The following GPM6A variants were observed in gnomAD, a reference collection of about 807,000 sequenced individuals.
GPM6A encodes glycoprotein M6A, also known as neuronal membrane glycoprotein M6-a.
In GPM6A, 7 loss-of-function variants were observed where a neutral mutation model predicts 32.1. That is an observed-to-expected ratio of 0.22 (90% CI 0.12 to 0.41). The LOEUF is 0.41. GPM6A is among the 10% of genes least tolerant of loss of function. GPM6A has a pLI of 1.00. For synonymous variants in GPM6A, 130 were observed against 123.4 expected, an observed-to-expected ratio of 1.05 and a Z score of -0.35; for missense variants, 235 against 347.2, an observed-to-expected ratio of 0.68 and a Z score of 2.57.
At chr4:175,741,888 GT>G (rs1189197297) in intron 1 of GPM6A, among the ~76,000 whole-genome samples, 4 of 151,948 alleles carry the variant, frequency 2.6e-5, no homozygotes, top group Non-Finnish European at 4.4e-5. Context: ...CCTTGAAAAT[GT>G]TTTGGTAAAT....
chr4:175,873,195 A>G (rs1736967340), intron 1 of GPM6A, among the ~76,000 whole-genome samples: 1 of 150,634 alleles, frequency 6.6e-6, no homozygotes, highest in Non-Finnish European at 1.5e-5. Flanking sequence ...CCTAAAAAAA[A>G]TCATTTACCT....
intron 2 of GPM6A, among the ~76,000 whole-genome samples, chr4:175,695,206 G>C (rs1232106943): frequency 6.6e-6 from 1 of 152,222 alleles, no homozygotes; most frequent in Non-Finnish European, 1.5e-5. Context: ...CTATGGAGGG[G>C]AAATGTGAGG....
chr4:175,825,321 A>G (rs1176749662), intron 1 of GPM6A, among the ~76,000 whole-genome samples: 1 of 152,144 alleles, frequency 6.6e-6, no homozygotes, highest in African/African-American at 2.4e-5. Flanking sequence ...TTAAGAGGAA[A>G]TGCAATATGC....
At chr4:175,787,593 C>T in intron 1 of GPM6A, 1 of 1,347,342 alleles carries the variant, frequency 7.4e-7, no homozygotes, top group Non-Finnish European at 9.5e-7. Context: ...ATTTCTAATT[C>T]AGCTTTTTTC....
chr4:175,799,143 A>G (rs1734358898), intron 1 of GPM6A, among the ~76,000 whole-genome samples: 3 of 152,066 alleles, frequency 2.0e-5, no homozygotes, highest in Admixed American at 6.5e-5. Flanking sequence ...AGCTCTTCCA[A>G]TCTTGTTTTC....
chr4:175,706,525 T>C (rs1388414981), intron 1 of GPM6A, among the ~76,000 whole-genome samples: 1 of 152,228 alleles, frequency 6.6e-6, no homozygotes, highest in Non-Finnish European at 1.5e-5. Context: ...AATTGACTCA[T>C]TGATAAATTT....
At chr4:175,842,913 C>T (rs1735983924) in intron 1 of GPM6A, among the ~76,000 whole-genome samples, 1 of 151,560 alleles carries the variant, frequency 6.6e-6, no homozygotes, top group East Asian at 1.9e-4. Flanking sequence ...CCTTGCTTAC[C>T]TAATTATAAA....
intron 3 of GPM6A, among the ~76,000 whole-genome samples, chr4:175,660,905 G>A (rs1742372324): frequency 6.6e-6 from 1 of 152,170 alleles, no homozygotes; most frequent in East Asian, 1.9e-4. Flanking sequence ...TGCAAGTAAG[G>A]TAATTCTGCC....
At chr4:175,930,432 G>GC (rs200612825) in intron 1 of GPM6A, among the ~76,000 whole-genome samples, 2 of 98,228 alleles carry the variant, frequency 2.0e-5, no homozygotes, top group South Asian at 3.1e-4. Flanking sequence ...TTTTGGGGGG[G>GC]GGTTTTTTTG....
chr4:175,643,191 T>C (rs1741254753), intron 4 of GPM6A, among the ~76,000 whole-genome samples: 1 of 152,170 alleles, frequency 6.6e-6, no homozygotes, highest in South Asian at 2.1e-4. Flanking sequence ...CTGGCTTCCT[T>C]GCTTCTACCC....
intron 1 of GPM6A, among the ~76,000 whole-genome samples, chr4:175,771,327 C>T (rs1733178752): frequency 6.6e-6 from 1 of 152,016 alleles, no homozygotes; most frequent in South Asian, 2.1e-4. Flanking sequence ...AATCCCAGGA[C>T]TTTTGGGAGG....
At chr4:175,997,150 T>G (rs186814696) in intron 1 of GPM6A, among the ~76,000 whole-genome samples, 292 of 152,246 alleles carry the variant, frequency 1.9e-3, no homozygotes, top group African/African-American at 6.5e-3. Flanking sequence ...CCTGCTGTCA[T>G]CAGGCTTCCA....
At chr4:175,867,717 G>A (rs1736784235) in intron 1 of GPM6A, among the ~76,000 whole-genome samples, 1 of 152,186 alleles carries the variant, frequency 6.6e-6, no homozygotes, top group East Asian at 1.9e-4. Context: ...GAAGTCAGGG[G>A]TCAGTCCTGC....
At chr4:175,682,792 T>C (rs1743759821) in intron 2 of GPM6A, among the ~76,000 whole-genome samples, 1 of 152,184 alleles carries the variant, frequency 6.6e-6, no homozygotes, top group Non-Finnish European at 1.5e-5. Flanking sequence ...TGAAGAACAC[T>C]TGGCAGCCCC....
chr4:175,778,925 ATATAAG>A (rs1218779752), intron 1 of GPM6A, among the ~76,000 whole-genome samples: 6 of 151,478 alleles, frequency 4.0e-5, no homozygotes, highest in East Asian at 1.9e-4. Flanking sequence ...ATAATTATAC[ATATAAG>A]TATAATACAT....
At chr4:175,958,447 A>G (rs1740058091) in intron 1 of GPM6A, among the ~76,000 whole-genome samples, 1 of 152,224 alleles carries the variant, frequency 6.6e-6, no homozygotes, top group Non-Finnish European at 1.5e-5. Flanking sequence ...GTATTTTCAA[A>G]GCCACTACCC....
intron 1 of GPM6A, among the ~76,000 whole-genome samples, chr4:175,951,171 C>T (rs909309600): frequency 7.2e-5 from 11 of 152,230 alleles, no homozygotes; most frequent in African/African-American, 2.6e-4. Context: ...TACTGAACTC[C>T]CCATGGAATG....
chr4:175,686,067 C>T (rs912128984), intron 2 of GPM6A, among the ~76,000 whole-genome samples: 1 of 152,156 alleles, frequency 6.6e-6, no homozygotes, highest in African/African-American at 2.4e-5. Context: ...TGGCAAAAAG[C>T]AGGAAATCAG....
At chr4:175,871,487 A>T (rs1736907211) in intron 1 of GPM6A, among the ~76,000 whole-genome samples, 1 of 152,138 alleles carries the variant, frequency 6.6e-6, no homozygotes. Flanking sequence ...ATAAAAATAA[A>T]GAAAGAATTC....
Sources: allele counts gnomAD v4.1 joint callset (sites outside exome capture counted in the v4.1 genomes callset), GRCh38; gene constraint gnomAD v4.1.1; transcripts MANE v1.5; gene names NCBI Gene and HGNC (gene_info 2026-07-23, HGNC 2026-07-21).